The following KCNG4 variants were observed in gnomAD, a reference collection of about 807,000 sequenced individuals.
KCNG4 encodes the protein potassium voltage-gated channel modifier subfamily G member 4.
KCNG4 carries 30 observed loss-of-function variants against 28.2 expected under a neutral mutation model. That is an observed-to-expected ratio of 1.06 (90% CI 0.80 to 1.44). The LOEUF is 1.44. Ranked by LOEUF, KCNG4 falls within the 40% of genes most tolerant of loss-of-function variation. The pLI is 0.00. For missense variants in KCNG4, 879 were observed against 712.3 expected (o/e 1.23, Z -2.66); for synonymous variants, 375 against 315.5 (o/e 1.19, Z -2.00).
At position 84,237,082 on chromosome 16, in the gene KCNG4, A is replaced by G. The variant is rs1189740000; in HGVS notation, c.404T>C (p.Leu135Pro). 6.2e-7 allele frequency: 1 copy of G among 1,614,086 alleles called. No individual in the cohort carries two copies. The highest frequency in any genetic ancestry group is 8.5e-7 in the Non-Finnish European group (1 of 1,180,014). ...SFLAAGKLVL[L>P]QEMCALSFQE... ...GAAGGACAGCGCGCACATCTCCTGCAGAAGCACCAGCTTCCCGGCCGCCAG... is the reference window on the plus strand; with the variant it reads ...GAAGGACAGCGCGCACATCTCCTGCGGAAGCACCAGCTTCCCGGCCGCCAG... The change falls in exon 2 of 3, where the codon CTG becomes CCG. Residue 135 changes from leucine to proline, a missense_variant. By Grantham distance (98) the Leu-to-Pro change is moderately conservative. Coordinates refer to ENST00000308251, the MANE Select transcript of KCNG4 (RefSeq NM_172347.3).
At chr16:84,236,040 G>C (rs1904939242) in intron 2 of KCNG4, 1 of 152,152 alleles carries the variant, frequency 6.6e-6, no homozygotes, top group Non-Finnish European at 1.5e-5. Flanking sequence ...GGCCTCCTGG[G>C]GCAGAGTGAC....
intron 1 of KCNG4, 38 bp from the exon 2 acceptor site, chr16:84,237,563 G>T: frequency 7.2e-7 from 1 of 1,387,532 alleles, no homozygotes; most frequent in South Asian, 1.9e-5. Flanking sequence ...AAAAGGAAGG[G>T]AAATCAGTCT....
At chr16:84,239,178 G>A (rs1023554710) in intron 1 of KCNG4, among the ~76,000 whole-genome samples, 1 of 151,844 alleles carries the variant, frequency 6.6e-6, no homozygotes, top group African/African-American at 2.4e-5. Context: ...GGATTCCGGT[G>A]GATAGTGGAG....
intron 2 of KCNG4, among the ~76,000 whole-genome samples, chr16:84,228,065 G>T (rs1426613884): frequency 6.6e-6 from 1 of 152,246 alleles, no homozygotes; most frequent in African/African-American, 2.4e-5. Flanking sequence ...GAGGCAGGAA[G>T]TGGAAGTAGT....
chr16:84,225,084 C>A (rs1243058746), intron 2 of KCNG4, among the ~76,000 whole-genome samples: 3 of 152,176 alleles, frequency 2.0e-5, no homozygotes, highest in African/African-American at 4.8e-5. Flanking sequence ...ACAGGATGCG[C>A]TGTAGCCATT....
chr16:84,234,252 C>T (rs1187740088), intron 2 of KCNG4, among the ~76,000 whole-genome samples: 1 of 152,216 alleles, frequency 6.6e-6, no homozygotes, highest in East Asian at 1.9e-4. Flanking sequence ...TGGCTCACTG[C>T]AACCTCCACC....
chr16:84,237,245 G>A lies in KCNG4; in HGVS notation c.241C>T (p.Pro81Ser). The A allele has an allele frequency of 2.5e-6, 4 of 1,614,036 alleles. No individual in the cohort carries two copies. Among genetic ancestry groups the A allele is most frequent in the Admixed American group, 1.7e-5 (1 of 60,018 alleles). The change falls in exon 2 of 3, where the codon CCG (proline) becomes TCG (serine). Residue 81 changes from proline to serine, a missense_variant. Coordinates refer to ENST00000308251, the MANE Select transcript of KCNG4 (RefSeq NM_172347.3). ...CTGAGTTTGCTCAGGCGGCTCAGCG[G>A]GAACCGGTCCAGTGTGCTCCAGGGG... ...LLPWSTLDRF[P>S]LSRLSKLRLC...
intron 2 of KCNG4, chr16:84,236,158 T>C (rs868476561): frequency 6.5e-6 from 1 of 153,082 alleles, no homozygotes; most frequent in Non-Finnish European, 1.5e-5. Context: ...GCATCCTTAC[T>C]GTGGAGCTCC....
In KCNG4 at chr16:84,222,879, T is replaced by C. The variant is rs755630909; in HGVS notation, c.898A>G (p.Ile300Val). 6.2e-7 allele frequency: 1 copy of C among 1,612,346 alleles called. No homozygotes were observed. Among genetic ancestry groups the C allele is most frequent in the Non-Finnish European group, 8.5e-7 (1 of 1,178,764 alleles). ...FFQGPLNIID[I>V]LAISPYYVSL... Reference sequence around the variant, plus strand: ...ACGTAGTATGGGGAGATGGCCAGGATGTCGATGATGTTCAGGGGCCCCTGG... The same window carrying C: ...ACGTAGTATGGGGAGATGGCCAGGACGTCGATGATGTTCAGGGGCCCCTGG... Residue 300 changes from isoleucine (I) to valine (V), a missense_variant, in exon 3 of 3, where the codon ATC becomes GTC. Coordinates refer to ENST00000308251, the MANE Select transcript of KCNG4 (RefSeq NM_172347.3).
At chr16:84,225,776 C>T (rs979923351) in intron 2 of KCNG4, among the ~76,000 whole-genome samples, 2 of 152,208 alleles carry the variant, frequency 1.3e-5, no homozygotes, top group South Asian at 2.1e-4. Flanking sequence ...TGCCCTCCCA[C>T]GGCCTGGCCC....
chr16:84,223,764 C>T (rs923747270), intron 2 of KCNG4, among the ~76,000 whole-genome samples: 1 of 152,176 alleles, frequency 6.6e-6, no homozygotes, highest in Non-Finnish European at 1.5e-5. Flanking sequence ...TACCACCCCT[C>T]ATTCATTTAG....
intron 2 of KCNG4, among the ~76,000 whole-genome samples, chr16:84,234,621 T>A (rs534309635): frequency 1.6e-4 from 24 of 152,146 alleles, no homozygotes; most frequent in African/African-American, 5.8e-4. Context: ...GATGGAAGAG[T>A]TCTGTGGGTT....
In KCNG4 at chr16:84,221,879, T is replaced by C. The variant is rs1245784398; in HGVS notation, c.*338A>G. The C allele has an allele frequency of 9.3e-6, 3 of 321,044 alleles. No individual in the cohort carries two copies. The Admixed American group carries it at 1.4e-4, about 15-fold the overall frequency. 19.9% of individuals were successfully genotyped at this position (321,044 alleles called of 1,614,324 possible). The stretch of plus-strand genomic sequence containing the variant: ...TGCAAATACCAATGGTTACCAGTTC[T>C]ATGGGCATCCAGAACCCAGCCTGGG... On this transcript the variant is annotated 3_prime_UTR_variant, in exon 3 of 3. Transcript: ENST00000308251.
In KCNG4 at chr16:84,222,933, C is replaced by G. The variant is rs200838396; in HGVS notation, c.844G>C (p.Val282Leu). 5.0e-6 allele frequency: 8 copies of G among 1,599,506 alleles called. No homozygotes were observed. The highest frequency in any genetic ancestry group is 3.5e-5 in the Admixed American group (2 of 57,952). ...AACTGACACTTGTCTTGGGCCTGGA[C>G]AAACCGCAGGCAGAACTCCAGGGAG... ...WFSLEFCLRF[V>L]QAQDKCQFFQ... Residue 282 changes from valine (V) to leucine (L), a missense_variant, in exon 3 of 3, where the codon GTC becomes CTC. By Grantham distance (32) the Val-to-Leu change is conservative. Coordinates refer to ENST00000308251, the MANE Select transcript of KCNG4 (RefSeq NM_172347.3).
At position 84,236,816 on chromosome 16, in the gene KCNG4, C is replaced by T. The variant is rs371707569; in HGVS notation, c.670G>A (p.Ala224Thr). The change falls in exon 2 of 3, where the codon GCT becomes ACT. Residue 224 changes from alanine to threonine, a missense_variant. Coordinates refer to ENST00000308251, the MANE Select transcript of KCNG4 (RefSeq NM_172347.3). ...GCCACGAAGAGGATGGAGAGGCAAGCGAAGACCTTCCCGGGCAGCCCGGAC... is the reference window on the plus strand; with the variant it reads ...GCCACGAAGAGGATGGAGAGGCAAGTGAAGACCTTCCCGGGCAGCCCGGAC... ...PQSGLPGKVF[A>T]CLSILFVATT... 71 of 1,613,704 alleles carry T rather than the reference C, an allele frequency of 4.4e-5. No homozygotes were observed. The highest frequency in any genetic ancestry group is 4.2e-4 in the East Asian group (19 of 44,862).
intron 2 of KCNG4, among the ~76,000 whole-genome samples, chr16:84,229,579 G>A (rs114025366): frequency 2.6e-5 from 4 of 152,248 alleles, no homozygotes; most frequent in Non-Finnish European, 4.4e-5. Flanking sequence ...AGCAGTCACC[G>A]AAGGAGAGAC....
chr16:84,226,380 G>A lies in KCNG4; in HGVS notation c.757-3360C>T, dbSNP rs950337295. On this transcript the variant is annotated intron_variant, in intron 2 of 2. Coordinates refer to ENST00000308251, the MANE Select transcript of KCNG4 (RefSeq NM_172347.3). The surrounding 1 kb of genome is among the most constrained non-coding windows in gnomAD (Gnocchi z 4.1). Reference sequence around the variant, plus strand: ...GTAGGGATGGCCTGTGAAGGGCCACGAGGGAGCTTTCTGGGGTCACAGAAA... The same window carrying A: ...GTAGGGATGGCCTGTGAAGGGCCACAAGGGAGCTTTCTGGGGTCACAGAAA... Among the ~76,000 whole-genome samples, 7 of 152,192 alleles carry A rather than the reference G, an allele frequency of 4.6e-5. No individual in the cohort carries two copies. The highest frequency in any genetic ancestry group is 2.1e-4 in the South Asian group (1 of 4,828).
intron 1 of KCNG4, among the ~76,000 whole-genome samples, chr16:84,239,434 C>A (rs958408797): frequency 6.6e-6 from 1 of 152,212 alleles, no homozygotes; most frequent in African/African-American, 2.4e-5. Flanking sequence ...GCACTCTGTC[C>A]CCCAGCCTGG....
At chr16:84,225,945 A>G (rs911618110) in intron 2 of KCNG4, among the ~76,000 whole-genome samples, 10 of 152,252 alleles carry the variant, frequency 6.6e-5, no homozygotes, top group Non-Finnish European at 1.2e-4. Flanking sequence ...GGGCAGAGGA[A>G]ATAACTCCCA....
Sources: gnomAD v4.1 joint callset for allele counts (sites outside exome capture counted in the v4.1 genomes callset) on GRCh38, gnomAD v4.1.1 for gene constraint, Gnocchi (gnomAD v3.1) non-coding constraint, MANE v1.5 for transcripts, NCBI Gene and HGNC (gene_info 2026-07-23, HGNC 2026-07-21) for gene names.